Variants in CP observed in about 807,000 individuals in gnomAD.
CP encodes the protein ceruloplasmin, also known as caeruloplasmin.
Under a neutral mutation model 122.4 loss-of-function variants are expected in CP, and 64 were observed. The ratio of observed to expected loss-of-function variants is 0.52; its 90% CI spans 0.43 to 0.64. The LOEUF (loss-of-function observed/expected upper bound fraction) is 0.64, where lower values mean the gene tolerates loss of function less well. Ranked by LOEUF, CP falls within the 30% of genes least tolerant of loss-of-function variation. The pLI is 0.00. For synonymous variants in CP, 440 were observed against 436.4 expected, an observed-to-expected ratio of 1.01 and a Z score of -0.10; for missense variants, 1,167 against 1,284.4, an observed-to-expected ratio of 0.91 and a Z score of 1.40.
downstream of CP, among the ~76,000 whole-genome samples, chr3:149,171,139 G>A (rs563433799): frequency 2.6e-5 from 4 of 152,054 alleles, no homozygotes; most frequent in South Asian, 2.1e-4. Context: ...TTAGCTGGAC[G>A]TGGTGGTGCG....
chr3:149,212,982 T>C (rs1728215090), intron 1 of CP, among the ~76,000 whole-genome samples: 1 of 152,198 alleles, frequency 6.6e-6, no homozygotes, highest in Non-Finnish European at 1.5e-5. Flanking sequence ...ATGATTTTTA[T>C]ATTAAGACAC....
chr3:149,206,385 C>G, intron 5 of CP, 46 bp from the exon 6 acceptor site: 4 of 1,608,042 alleles, frequency 2.5e-6, no homozygotes, highest in Non-Finnish European at 3.4e-6. Flanking sequence ...GACAATGTTT[C>G]TCTCTCCTAT....
Position 149,173,638 on chromosome 3 carries a change from T to C in CP, c.*76A>G. 1 of 950,650 alleles carries C rather than the reference T, an allele frequency of 1.1e-6. No homozygotes were observed. The highest frequency in any genetic ancestry group is 1.6e-6 in the Non-Finnish European group (1 of 614,882). 58.9% of individuals were successfully genotyped at this position (950,650 alleles called of 1,614,324 possible). ...TTATAGTCATTCCAAAGTAACATTC[T>C]ATTTTACACTTTCACATACATTGTT... On this transcript the variant is annotated 3_prime_UTR_variant, in exon 19 of 19. Transcript: ENST00000264613.
chr3:149,196,649 A>G (rs1429000642), intron 9 of CP, among the ~76,000 whole-genome samples: 1 of 152,206 alleles, frequency 6.6e-6, no homozygotes, highest in Non-Finnish European at 1.5e-5. Context: ...GTCAAAAAGG[A>G]TACTTTGAAC....
intron 1 of CP, among the ~76,000 whole-genome samples, chr3:149,220,397 A>C (rs1728728175): frequency 6.6e-6 from 1 of 152,120 alleles, no homozygotes; most frequent in Non-Finnish European, 1.5e-5. Context: ...TATTTAATCA[A>C]GAAAATACTG....
At chr3:149,200,762 G>A (rs1044292527) in intron 7 of CP, among the ~76,000 whole-genome samples, 8 of 151,494 alleles carry the variant, frequency 5.3e-5, no homozygotes, top group Admixed American at 4.6e-4. Context: ...TGCCTGCCTC[G>A]GCCTCCCAAA....
chr3:149,201,602 G>GT (rs1399671828), intron 7 of CP, among the ~76,000 whole-genome samples: 2 of 151,020 alleles, frequency 1.3e-5, no homozygotes, highest in African/African-American at 4.9e-5. Flanking sequence ...TGTTTGTTTT[G>GT]TTTTTTGAGA....
At chr3:149,217,856 T>C (rs1171641835) in intron 1 of CP, 1 of 439,586 alleles carries the variant, frequency 2.3e-6, no homozygotes, top group Non-Finnish European at 4.6e-6. Flanking sequence ...ATTATAGTAA[T>C]TATGATTACC....
downstream of CP, among the ~76,000 whole-genome samples, chr3:149,169,680 T>C (rs1052581764): frequency 6.6e-6 from 1 of 152,184 alleles, no homozygotes; most frequent in African/African-American, 2.4e-5. Flanking sequence ...GGGACAAAAT[T>C]TTCCTGGTTG....
chr3:149,174,010 T>C (rs1725232673), intron 18 of CP, among the ~76,000 whole-genome samples: 1 of 152,160 alleles, frequency 6.6e-6, no homozygotes, highest in Non-Finnish European at 1.5e-5. Flanking sequence ...AAGCTTGAAG[T>C]TAACATAACC....
In CP at chr3:149,199,905, A is replaced by G. The variant is rs116559463; in HGVS notation, c.1349-41T>C. ...GAATTATTATCCTTCCTTGGTATGT[A>G]ACATGCAGAATGTATAAGATAGTTA... On this transcript the variant is annotated intron_variant, in intron 7 of 18. Coordinates refer to ENST00000264613, the MANE Select transcript of CP (RefSeq NM_000096.4). The G allele has an allele frequency of 1.3e-4, 211 of 1,591,954 alleles. 2 individuals are homozygous for G. The African/African-American group carries it at 2.6e-3, about 19-fold the overall frequency.
At chr3:149,178,819 T>C (rs1725591333) in intron 15 of CP, among the ~76,000 whole-genome samples, 188 bp from the exon 16 acceptor site, 1 of 152,138 alleles carries the variant, frequency 6.6e-6, no homozygotes, top group South Asian at 2.1e-4. Context: ...TGGTGAGTAG[T>C]AGGTAGGTCA....
At chr3:149,165,413 A>G (rs1218048678) in intron 5 of CP, among the ~76,000 whole-genome samples, 2 of 152,180 alleles carry the variant, frequency 1.3e-5, no homozygotes, top group Non-Finnish European at 2.9e-5. Context: ...TTAAAGGAGG[A>G]AAATCTTTGC....
chr3:149,177,760 C>A, intron 17 of CP, 80 bp downstream of exon 17: 2 of 1,487,528 alleles, frequency 1.3e-6, no homozygotes, highest in South Asian at 1.1e-5. Context: ...TTTCATAAGT[C>A]TCTCTGAGAA....
chr3:149,211,795 G>A (rs1162433931), intron 2 of CP, among the ~76,000 whole-genome samples: 7 of 152,064 alleles, frequency 4.6e-5, no homozygotes, highest in Non-Finnish European at 1.5e-5. Context: ...TCTTCCCTCT[G>A]GATTTTGCCT....
chr3:149,207,532 AC>A lies in CP; in HGVS notation c.866del (p.Gly289ValfsTer16). On this transcript the variant is annotated frameshift_variant, in exon 5 of 19. Coordinates refer to ENST00000264613, the MANE Select transcript of CP (RefSeq NM_000096.4). LOFTEE classifies it high-confidence loss of function. ...DRVKWYLFGMGNEVDVHAAFF... is the reference protein window; with the variant it reads ...DRVKWYLFGMXNEVDVHAAFF... Reference sequence around the variant, plus strand: ...AAGCTGCGTGCACATCAACTTCATTACCCATACCAAAAAGGTACCATTTTAC... The same window carrying A: ...AAGCTGCGTGCACATCAACTTCATTACCATACCAAAAAGGTACCATTTTAC... 2 of 1,614,006 alleles carry A rather than the reference AC, an allele frequency of 1.2e-6. No individual in the cohort carries two copies. Among genetic ancestry groups the A allele is most frequent in the Non-Finnish European group, 1.7e-6 (2 of 1,179,878 alleles).
chr3:149,186,916 G>A (rs919882317), intron 10 of CP, among the ~76,000 whole-genome samples, 184 bp from the exon 11 acceptor site: 18 of 152,236 alleles, frequency 1.2e-4, no homozygotes, highest in Non-Finnish European at 1.5e-4. Context: ...CAGAGCAGCC[G>A]CTGGCTGAAA....
At position 149,219,074 on chromosome 3, in the gene CP, CA is replaced by C. The variant is rs367688124; in HGVS notation, c.146+2572del. Among the ~76,000 whole-genome samples, 383 of 152,166 alleles carry C rather than the reference CA, an allele frequency of 2.5e-3. 2 individuals carry two copies. Among genetic ancestry groups the C allele is most frequent in the African/African-American group, 8.9e-3 (371 of 41,524 alleles). On this transcript the variant is annotated intron_variant, in intron 1 of 18. Transcript: ENST00000264613. ...AGGTTGCTATCTGCACACATCTATG[CA>C]AAAAGTTTAGCATAGTATTGGCAAA...
In CP at chr3:149,214,546, G is replaced by T. The variant is rs978538565; in HGVS notation, c.147-1848C>A. Among the ~76,000 whole-genome samples, 22 of 152,286 alleles carry T rather than the reference G, an allele frequency of 1.4e-4. 1 individual carries two copies. The highest frequency in any genetic ancestry group is 3.4e-3 in the Middle Eastern group (1 of 294). On this transcript the variant is annotated intron_variant, in intron 1 of 18. Transcript: ENST00000264613. ...TCCTGGTGGGAGGGCTAAGCTAGAA[G>T]TTAGAAAAATAAAGTGTCATTATTT...
Sources: allele counts gnomAD v4.1 joint callset (sites outside exome capture counted in the v4.1 genomes callset), GRCh38; gene constraint gnomAD v4.1.1; transcripts MANE v1.5; gene names NCBI Gene and HGNC (gene_info 2026-07-23, HGNC 2026-07-21).